The following PPP2R2C variants were observed in gnomAD, a reference collection of about 807,000 sequenced individuals.
PPP2R2C encodes the protein protein phosphatase 2 regulatory subunit Bgamma, also known as protein phosphatase 2, regulatory subunit B, gamma.
PPP2R2C carries 10 observed loss-of-function variants against 45.3 expected under a neutral mutation model. The ratio of observed to expected loss-of-function variants is 0.22; its 90% CI spans 0.14 to 0.37. PPP2R2C has a LOEUF of 0.37. Ranked by LOEUF, PPP2R2C falls within the 10% of genes least tolerant of loss-of-function variation. PPP2R2C has a pLI of 1.00. For missense variants in PPP2R2C, 308 were observed against 619.7 expected (o/e 0.50, Z 5.34); for synonymous variants, 257 against 245.4 (o/e 1.05, Z -0.44).
chr4:6,333,545 C>A lies in PPP2R2C; in HGVS notation c.960+17G>T, dbSNP rs201875415. On this transcript the variant is annotated intron_variant, in intron 7 of 8. Transcript: ENST00000382599. ...AAAAAAGACCCGGGATTGGGGGTCT[C>A]CTGCTGTGGTGCCCACCTGGTAGGT... The A allele has an allele frequency of 1.0e-4, 162 of 1,610,748 alleles. No individual in the cohort carries two copies. Among genetic ancestry groups the A allele is most frequent in the Admixed American group, 6.9e-4 (41 of 59,804 alleles).
chr4:6,408,139 A>G (rs1390613792), intron 1 of PPP2R2C, among the ~76,000 whole-genome samples: 2 of 152,194 alleles, frequency 1.3e-5, no homozygotes, highest in Non-Finnish European at 2.9e-5. Flanking sequence ...ACTAACTTAG[A>G]GGATGCTGGA....
At position 6,332,311 on chromosome 4, in the gene PPP2R2C, C is replaced by T. The variant is rs1217590929; in HGVS notation, c.960+1251G>A. On this transcript the variant is annotated intron_variant, in intron 7 of 8. Coordinates refer to ENST00000382599, the MANE Select transcript of PPP2R2C (RefSeq NM_020416.4). The surrounding 1 kb of genome is among the most constrained non-coding windows in gnomAD (Gnocchi z 4.9). ...CTCCTAGTCTGGGGTCTCTGCCATT[C>T]CCACAGGGACAGAGGAGGGCTGAGT... Among the ~76,000 whole-genome samples the T allele has an allele frequency of 6.6e-6, 1 of 152,180 alleles. No individual in the cohort carries two copies. Among genetic ancestry groups the T allele is most frequent in the Non-Finnish European group, 1.5e-5 (1 of 68,030 alleles).
intron 2 of PPP2R2C, among the ~76,000 whole-genome samples, chr4:6,500,750 T>C (rs1723023771): frequency 6.6e-6 from 1 of 152,246 alleles, no homozygotes; most frequent in South Asian, 2.1e-4. Context: ...GCATGGTACA[T>C]ACCCTGTAGG....
chr4:6,562,996 G>C (rs913607608), intron 1 of PPP2R2C, among the ~76,000 whole-genome samples: 6 of 149,348 alleles, frequency 4.0e-5, no homozygotes, highest in Admixed American at 4.0e-4. Flanking sequence ...CCAAACCAGA[G>C]CAGCAGCCGG....
upstream of PPP2R2C, among the ~76,000 whole-genome samples, chr4:6,475,002 T>G (rs763161054): frequency 1.3e-5 from 2 of 152,218 alleles, no homozygotes; most frequent in African/African-American, 2.4e-5. Context: ...TGAGGAATGT[T>G]TATTGAGCAT....
chr4:6,468,548 G>A (rs976167957), intron 1 of PPP2R2C, among the ~76,000 whole-genome samples: 3 of 152,100 alleles, frequency 2.0e-5, no homozygotes, highest in Admixed American at 6.5e-5. Context: ...AGTGTGCTCC[G>A]GAAGTGCCTT....
chr4:6,379,056 C>A (rs1344748652), intron 2 of PPP2R2C, among the ~76,000 whole-genome samples: 1 of 152,098 alleles, frequency 6.6e-6, no homozygotes, highest in East Asian at 1.9e-4. Context: ...ACCCTCGTGT[C>A]TTGGGCCCTG....
intron 1 of PPP2R2C, among the ~76,000 whole-genome samples, chr4:6,423,900 T>TTAGG (rs111950149): frequency 1.5e-3 from 223 of 152,192 alleles, no homozygotes; most frequent in South Asian, 7.3e-3. Flanking sequence ...TTTGAGAGTG[T>TTAGG]GTTAGGGTTA....
At chr4:6,373,148 T>C (rs1472655654) in intron 4 of PPP2R2C, among the ~76,000 whole-genome samples, 1 of 152,150 alleles carries the variant, frequency 6.6e-6, no homozygotes, top group East Asian at 1.9e-4. Flanking sequence ...AGCAAAGTGA[T>C]ACCTGGCCCT....
intron 5 of PPP2R2C, among the ~76,000 whole-genome samples, chr4:6,365,355 T>C (rs1714201993): frequency 6.6e-6 from 1 of 152,180 alleles, no homozygotes; most frequent in African/African-American, 2.4e-5. Flanking sequence ...TCTCTGTAAA[T>C]TAGCACCAAG....
intron 2 of PPP2R2C, among the ~76,000 whole-genome samples, chr4:6,518,922 T>TTAAAAAAAAAAAAAAAAAAA (rs1354788203): frequency 1.1e-5 from 1 of 92,902 alleles, no homozygotes; most frequent in African/African-American, 6.2e-5. Context: ...GACTCTGTCT[T>TTAAAAAAAAAAAAAAAAAAA]AAAAAAAAAA....
At chr4:6,362,300 A>G (rs570834664) in intron 5 of PPP2R2C, among the ~76,000 whole-genome samples, 1 of 152,222 alleles carries the variant, frequency 6.6e-6, no homozygotes, top group South Asian at 2.1e-4. Flanking sequence ...CCCATCCTGA[A>G]GAGGGAAGCA....
At chr4:6,421,966 C>T (rs1719006200) in intron 1 of PPP2R2C, among the ~76,000 whole-genome samples, 1 of 152,152 alleles carries the variant, frequency 6.6e-6, no homozygotes, top group South Asian at 2.1e-4. Flanking sequence ...GGAAAGAAAT[C>T]CCATAATGTT....
At chr4:6,341,603 C>T (rs772874012) in intron 6 of PPP2R2C, among the ~76,000 whole-genome samples, 40 of 152,232 alleles carry the variant, frequency 2.6e-4, no homozygotes, top group Non-Finnish European at 4.9e-4. Context: ...TCTCACATGG[C>T]AAAAGGGGCT....
At chr4:6,470,548 C>T (rs1030932606) in intron 1 of PPP2R2C, among the ~76,000 whole-genome samples, 3 of 152,242 alleles carry the variant, frequency 2.0e-5, no homozygotes, top group African/African-American at 7.2e-5. Flanking sequence ...GGAAGCCAGA[C>T]CACAGCGAGC....
At chr4:6,450,846 C>G (rs1720700898) in intron 1 of PPP2R2C, among the ~76,000 whole-genome samples, 1 of 152,152 alleles carries the variant, frequency 6.6e-6, no homozygotes, top group African/African-American at 2.4e-5. Flanking sequence ...GGCCCTGCCA[C>G]CTGCCACATT....
chr4:6,348,924 G>A (rs985348412), intron 5 of PPP2R2C: 2 of 863,898 alleles, frequency 2.3e-6, no homozygotes, highest in Non-Finnish European at 2.8e-6. Context: ...CAGTATCCCT[G>A]ACTGTTACAC....
chr4:6,388,541 A>T lies in PPP2R2C; in HGVS notation c.71-7447T>A, dbSNP rs146114692. On this transcript the variant is annotated intron_variant, in intron 1 of 8. Transcript: ENST00000382599. ...CCTGATAAGAAGTCCATATGAAGACACAGCACACACAGATACAGGGAGGAG... is the reference window on the plus strand; with the variant it reads ...CCTGATAAGAAGTCCATATGAAGACTCAGCACACACAGATACAGGGAGGAG... Among the ~76,000 whole-genome samples, 526 of 152,290 alleles carry T rather than the reference A, an allele frequency of 3.5e-3. 1 individual carries two copies. The highest frequency in any genetic ancestry group is 0.02 in the Middle Eastern group (6 of 294).
At chr4:6,554,930 G>GGAAAGAAAGAAAGAAAGAAA (rs71173447) in intron 1 of PPP2R2C, among the ~76,000 whole-genome samples, 33 of 116,176 alleles carry the variant, frequency 2.8e-4, no homozygotes, top group African/African-American at 1.3e-3. Flanking sequence ...AAGGAAGGAA[G>GGAAAGAAAGAAAGAAAGAAA]GAAAGAAAGA....
Sources: allele counts gnomAD v4.1 joint callset (sites outside exome capture counted in the v4.1 genomes callset), GRCh38; gene constraint gnomAD v4.1.1; non-coding constraint Gnocchi (gnomAD v3.1); transcripts MANE v1.5; gene names NCBI Gene and HGNC (gene_info 2026-07-23, HGNC 2026-07-21).